PRKCH: variants seen among roughly 807,000 people sequenced by gnomAD.
The protein encoded by PRKCH is protein kinase C eta type.
PRKCH carries 28 observed loss-of-function variants against 82.5 expected under a neutral mutation model. The observed-to-expected ratio is 0.34, with a 90% CI of 0.25 to 0.47. The LOEUF is 0.47. Ranked by LOEUF, PRKCH falls within the 20% of genes least tolerant of loss-of-function variation. The pLI, the probability that PRKCH is intolerant of heterozygous loss-of-function variation, is 1.00. For missense variants in PRKCH, 705 were observed against 881.8 expected, an observed-to-expected ratio of 0.80 and a Z score of 2.54; for synonymous variants, 322 against 327.4, an observed-to-expected ratio of 0.98 and a Z score of 0.18.
chr14:61,255,585 A>G (rs1007304053), intron 1 of PRKCH, among the ~76,000 whole-genome samples: 3 of 152,212 alleles, frequency 2.0e-5, no homozygotes, highest in Non-Finnish European at 2.9e-5. Context: ...TAAAATAATA[A>G]TAATACTTAG....
At chr14:61,252,889 C>T (rs1020652350) in intron 1 of PRKCH, among the ~76,000 whole-genome samples, 1 of 152,118 alleles carries the variant, frequency 6.6e-6, no homozygotes, top group Non-Finnish European at 1.5e-5. Flanking sequence ...ATTCTGCAGC[C>T]TGACGGTCAC....
At chr14:61,373,426 A>G (rs1050823228) in intron 1 of PRKCH, among the ~76,000 whole-genome samples, 1 of 151,942 alleles carries the variant, frequency 6.6e-6, no homozygotes, top group South Asian at 2.1e-4. Flanking sequence ...GCAAGGGGGA[A>G]GTCTGCTTCC....
At chr14:61,372,767 C>T (rs2046379047) in intron 1 of PRKCH, among the ~76,000 whole-genome samples, 1 of 152,026 alleles carries the variant, frequency 6.6e-6, no homozygotes, top group Non-Finnish European at 1.5e-5. Flanking sequence ...ATATTCCACC[C>T]CAGGATCTCT....
chr14:61,230,410 T>G (rs1000837471), intron 1 of PRKCH, among the ~76,000 whole-genome samples: 1 of 152,168 alleles, frequency 6.6e-6, no homozygotes, highest in Non-Finnish European at 1.5e-5. Flanking sequence ...TAGGAGCCCC[T>G]CAGCAAGTAG....
chr14:61,396,042 T>C (rs950820413), intron 2 of PRKCH, among the ~76,000 whole-genome samples: 13 of 145,892 alleles, frequency 8.9e-5, no homozygotes, highest in African/African-American at 3.3e-4. Context: ...ATAGTGCCAC[T>C]GCACTCCAGC....
At chr14:61,459,039 C>A (rs1023258383) in intron 9 of PRKCH, among the ~76,000 whole-genome samples, 4 of 152,166 alleles carry the variant, frequency 2.6e-5, no homozygotes, top group Admixed American at 2.6e-4. Flanking sequence ...CTTGATTCAG[C>A]CCCTGGAGCA....
At chr14:61,205,766 G>A (rs893794316) in intron 1 of PRKCH, among the ~76,000 whole-genome samples, 25 of 152,158 alleles carry the variant, frequency 1.6e-4, no homozygotes, top group African/African-American at 5.1e-4. Context: ...AATGGTAGTC[G>A]GTGGTGAATA....
At chr14:61,335,573 A>T (rs954392265) in intron 1 of PRKCH, among the ~76,000 whole-genome samples, 1 of 152,056 alleles carries the variant, frequency 6.6e-6, no homozygotes, top group Non-Finnish European at 1.5e-5. Context: ...AAATAAAAAT[A>T]AAAAAAACCA....
intron 2 of PRKCH, among the ~76,000 whole-genome samples, chr14:61,414,183 C>G (rs1882433158): frequency 6.6e-6 from 1 of 152,176 alleles, no homozygotes; most frequent in African/African-American, 2.4e-5. Context: ...CTCCACTCCT[C>G]CGTCTATATC....
intron 1 of PRKCH, among the ~76,000 whole-genome samples, chr14:61,245,836 CT>C (rs1377658424): frequency 6.6e-6 from 1 of 152,148 alleles, no homozygotes; most frequent in Non-Finnish European, 1.5e-5. Context: ...AGGAATCATG[CT>C]AGTATTTTAT....
At chr14:61,229,798 A>G (rs1046020997) in intron 1 of PRKCH, among the ~76,000 whole-genome samples, 1 of 152,090 alleles carries the variant, frequency 6.6e-6, no homozygotes, top group Non-Finnish European at 1.5e-5. Context: ...TCCTTCTTCC[A>G]GGGGGAGAAC....
intron 2 of PRKCH, among the ~76,000 whole-genome samples, chr14:61,412,659 A>G (rs990480999): frequency 1.3e-5 from 2 of 152,200 alleles, no homozygotes; most frequent in Non-Finnish European, 2.9e-5. Flanking sequence ...CCCATGGCAT[A>G]TAAATTTTTG....
intron 1 of PRKCH, among the ~76,000 whole-genome samples, chr14:61,237,242 CAAAA>C (rs567714882): frequency 3.2e-5 from 3 of 93,704 alleles, no homozygotes; most frequent in Non-Finnish European, 2.3e-5. Flanking sequence ...GACTCTGTTT[CAAAA>C]AAAAAAAAAA....
chr14:61,196,943 C>A (rs999854136), intron 1 of PRKCH, among the ~76,000 whole-genome samples: 25 of 152,176 alleles, frequency 1.6e-4, no homozygotes, highest in Admixed American at 1.6e-3. Context: ...TGACTTCTCT[C>A]AGACATAGGG....
intron 1 of PRKCH, among the ~76,000 whole-genome samples, chr14:61,379,130 A>G (rs1345483771): frequency 5.3e-5 from 8 of 152,098 alleles, no homozygotes; most frequent in Non-Finnish European, 1.2e-4. Context: ...TGTCTCATTT[A>G]CACAGCTTAC....
chr14:61,329,243 T>TTTTG (rs2045748437), intron 1 of PRKCH, among the ~76,000 whole-genome samples: 1 of 119,582 alleles, frequency 8.4e-6, no homozygotes, highest in East Asian at 2.4e-4. Context: ...TCTTTTTTTT[T>TTTTG]TTTTTTTTTT....
chr14:61,452,003 CG>C (rs1490618600), intron 6 of PRKCH, among the ~76,000 whole-genome samples: 1 of 152,194 alleles, frequency 6.6e-6, no homozygotes, highest in East Asian at 1.9e-4. Context: ...CTTAGCGTGA[CG>C]GTCTCACCTG....
At chr14:61,533,790 C>CTGCACTAT (rs1383508693) in intron 12 of PRKCH, among the ~76,000 whole-genome samples, 11 of 152,336 alleles carry the variant, frequency 7.2e-5, no homozygotes, top group African/African-American at 2.2e-4. Flanking sequence ...AGGAAGTGTC[C>CTGCACTAT]TGCACTATTA....
chr14:61,488,117 G>T (rs965280321), intron 10 of PRKCH, among the ~76,000 whole-genome samples: 1 of 151,010 alleles, frequency 6.6e-6, no homozygotes, highest in Admixed American at 6.6e-5. Context: ...TCGCGCCACC[G>T]CACTCCAGCC....
Sources: allele counts gnomAD v4.1 joint callset (sites outside exome capture counted in the v4.1 genomes callset), GRCh38; gene constraint gnomAD v4.1.1; transcripts MANE v1.5; gene names NCBI Gene and HGNC (gene_info 2026-07-23, HGNC 2026-07-21).